The following PHACTR1 variants were observed in gnomAD, a reference collection of about 807,000 sequenced individuals.
PHACTR1 encodes the protein RPEL repeat containing 1.
PHACTR1 carries 16 observed loss-of-function variants against 69.2 expected under a neutral mutation model. The observed-to-expected ratio is 0.23, with a 90% confidence interval of 0.16 to 0.35. The LOEUF is 0.35. Among genes scored for constraint, PHACTR1 ranks in the 10% least tolerant of loss-of-function variants. The probability of loss-of-function intolerance (pLI) is 1.00; values close to 1 mark genes in which losing one functional copy is unlikely to be tolerated. For missense variants in PHACTR1, 510 were observed against 734.7 expected, an observed-to-expected ratio of 0.69 and a Z score of 3.54; for synonymous variants, 312 against 284.5, an observed-to-expected ratio of 1.10 and a Z score of -0.97.
chr6:12,787,395 A>C (rs1771670034), intron 4 of PHACTR1, among the ~76,000 whole-genome samples: 1 of 152,216 alleles, frequency 6.6e-6, no homozygotes, highest in South Asian at 2.1e-4. Context: ...AAAAGACAAC[A>C]ATATCTTCCC....
At chr6:13,244,996 T>G (rs1304063517) in intron 10 of PHACTR1, among the ~76,000 whole-genome samples, 1 of 152,198 alleles carries the variant, frequency 6.6e-6, no homozygotes, top group Non-Finnish European at 1.5e-5. Flanking sequence ...TTTGGGGAAC[T>G]AATAAATGTC....
intron 4 of PHACTR1, among the ~76,000 whole-genome samples, chr6:12,760,439 C>T (rs1327068448): frequency 1.3e-5 from 2 of 151,880 alleles, no homozygotes; most frequent in African/African-American, 2.4e-5. Flanking sequence ...CAAATGGCCA[C>T]GTGGAAATGA....
chr6:12,807,481 A>C (rs1410688982), intron 4 of PHACTR1, among the ~76,000 whole-genome samples: 1 of 152,218 alleles, frequency 6.6e-6, no homozygotes. Flanking sequence ...TTATTGTGCC[A>C]ACCCCAGGAA....
In PHACTR1 at chr6:12,989,921, C is replaced by T. The variant is rs76352636; in HGVS notation, c.251-63444C>T. Among the ~76,000 whole-genome samples, 300 of 152,292 alleles carry T rather than the reference C, an allele frequency of 2.0e-3. 1 individual carries two copies. Among genetic ancestry groups the T allele is most frequent in the Middle Eastern group, 3.4e-3 (1 of 294 alleles). On this transcript the variant is annotated intron_variant, in intron 4 of 14. Coordinates refer to ENST00000332995, the MANE Select transcript of PHACTR1 (RefSeq NM_030948.6). The stretch of plus-strand genomic sequence containing the variant: ...GAGAAGGCTTAACTAGGAGCCCATA[C>T]GTCTGTCCACATTTCAGTGTTCTAA...
At chr6:12,746,659 A>C (rs1224257997) in intron 3 of PHACTR1, among the ~76,000 whole-genome samples, 2 of 152,264 alleles carry the variant, frequency 1.3e-5, no homozygotes, top group Non-Finnish European at 2.9e-5. Flanking sequence ...ACAAAAGTGC[A>C]TTTAAACTCC....
At chr6:12,872,166 C>T (rs887434614) in intron 4 of PHACTR1, among the ~76,000 whole-genome samples, 5 of 151,994 alleles carry the variant, frequency 3.3e-5, no homozygotes, top group Non-Finnish European at 7.4e-5. Flanking sequence ...GCTAGAAATA[C>T]GTAAGTGTAT....
intron 10 of PHACTR1, among the ~76,000 whole-genome samples, chr6:13,233,784 A>G (rs1266580583): frequency 6.6e-6 from 1 of 152,220 alleles, no homozygotes; most frequent in African/African-American, 2.4e-5. Context: ...AGACACATCA[A>G]CTAGGGACAG....
intron 4 of PHACTR1, among the ~76,000 whole-genome samples, chr6:12,887,150 C>T (rs973626882): frequency 6.6e-5 from 10 of 152,172 alleles, no homozygotes; most frequent in African/African-American, 2.4e-4. Context: ...TACTTTACTT[C>T]AGCCAGTCCC....
chr6:13,015,049 G>T lies in PHACTR1; in HGVS notation c.251-38316G>T, dbSNP rs1365735137. 2.0e-5 allele frequency among the ~76,000 whole-genome samples: 3 copies of T among 152,228 alleles called. No homozygotes were observed. The South Asian group carries it at 6.2e-4, about 32-fold the overall frequency. The stretch of plus-strand genomic sequence containing the variant: ...TTTACATTGAAAGCCTTAGCTACCG[G>T]CCGACCTGAAGCTCGTCTCCATGCC... On this transcript the variant is annotated intron_variant, in intron 4 of 14. Coordinates refer to ENST00000332995, the MANE Select transcript of PHACTR1 (RefSeq NM_030948.6).
chr6:13,108,088 T>C (rs960696978), intron 5 of PHACTR1, among the ~76,000 whole-genome samples: 2 of 152,118 alleles, frequency 1.3e-5, no homozygotes, highest in African/African-American at 4.8e-5. Context: ...TTCATTATTA[T>C]CCACTTCTGA....
At chr6:13,234,900 T>C (rs1396439569) in intron 10 of PHACTR1, among the ~76,000 whole-genome samples, 1 of 152,104 alleles carries the variant, frequency 6.6e-6, no homozygotes, top group African/African-American at 2.4e-5. Flanking sequence ...GACCAAGGGG[T>C]GGTGAATGAT....
intron 10 of PHACTR1, among the ~76,000 whole-genome samples, chr6:13,251,832 A>T (rs56380716): frequency 0.062 from 9,400 of 152,072 alleles, 534 homozygotes; most frequent in African/African-American, 0.15. Context: ...AGGCAGGAGG[A>T]TTGCTTGAGG....
At chr6:13,270,790 T>C (rs895087701) in intron 10 of PHACTR1, among the ~76,000 whole-genome samples, 1 of 152,174 alleles carries the variant, frequency 6.6e-6, no homozygotes, top group African/African-American at 2.4e-5. Context: ...TATAAAGGAA[T>C]ACCTGAGACT....
intron 10 of PHACTR1, among the ~76,000 whole-genome samples, chr6:13,243,051 T>C (rs1773074722): frequency 6.6e-6 from 1 of 152,230 alleles, no homozygotes. Context: ...CAAATTCTTT[T>C]ATGGGTGTGA....
At chr6:12,740,853 A>G (rs1221520751) in intron 3 of PHACTR1, among the ~76,000 whole-genome samples, 1 of 149,608 alleles carries the variant, frequency 6.7e-6, no homozygotes, top group East Asian at 2.0e-4. Context: ...CATAGTGATA[A>G]CTCCTATTTA....
intron 4 of PHACTR1, among the ~76,000 whole-genome samples, chr6:12,853,538 A>G (rs1343698385): frequency 1.3e-5 from 2 of 152,240 alleles, no homozygotes; most frequent in Non-Finnish European, 2.9e-5. Flanking sequence ...CCGTTCTCAC[A>G]CTGCTAATAA....
At position 13,199,792 on chromosome 6, in the gene PHACTR1, A is replaced by G. The variant is rs549002100; in HGVS notation, c.665-6023A>G. On this transcript the variant is annotated intron_variant, in intron 7 of 14. Transcript: ENST00000332995. The stretch of plus-strand genomic sequence containing the variant: ...CTATAGATAGAAATAAAATAGAAAA[A>G]TTCACCCACAAGGATATAAGACATC... 8.2e-4 allele frequency among the ~76,000 whole-genome samples: 124 copies of G among 152,072 alleles called. 1 individual carries two copies. The highest frequency in any genetic ancestry group is 9.9e-4 in the Non-Finnish European group (67 of 68,012).
At chr6:13,258,144 G>C (rs1054531901) in intron 10 of PHACTR1, among the ~76,000 whole-genome samples, 6 of 152,088 alleles carry the variant, frequency 3.9e-5, no homozygotes, top group African/African-American at 1.2e-4. Context: ...GATCACCTGA[G>C]GTCAGGAGTT....
At chr6:13,073,220 ATT>A (rs1809807301) in intron 5 of PHACTR1, among the ~76,000 whole-genome samples, 1 of 146,918 alleles carries the variant, frequency 6.8e-6, no homozygotes. Flanking sequence ...TGATAACAGG[ATT>A]AACAAAAAAA....
Sources: gnomAD v4.1 joint callset for allele counts (sites outside exome capture counted in the v4.1 genomes callset) on GRCh38, gnomAD v4.1.1 for gene constraint, MANE v1.5 for transcripts, NCBI Gene and HGNC (gene_info 2026-07-23, HGNC 2026-07-21) for gene names.